KHDRBS2: variants seen among roughly 807,000 people sequenced by gnomAD.
The protein encoded by KHDRBS2 is KH domain-containing, RNA-binding, signal transduction-associated protein 2.
Under a neutral mutation model 44.3 loss-of-function variants are expected in KHDRBS2, and 26 were observed. The ratio of observed to expected loss-of-function variants is 0.59; its 90% CI spans 0.43 to 0.81. KHDRBS2 has a LOEUF of 0.81. Among genes scored for constraint, KHDRBS2 ranks in the 40% least tolerant of loss-of-function variants. KHDRBS2 has a pLI of 0.00. For synonymous variants in KHDRBS2, 194 were observed against 151.1 expected (o/e 1.28, Z -2.08); for missense variants, 476 against 433.1 (o/e 1.10, Z -0.88).
chr6:61,804,720 T>C (rs1268170198), intron 6 of KHDRBS2, among the ~76,000 whole-genome samples: 3 of 152,202 alleles, frequency 2.0e-5, no homozygotes, highest in Admixed American at 6.5e-5. Flanking sequence ...TTGCACCCTC[T>C]GAAGCAACAG....
At chr6:61,578,031 A>G in the KHDRBS2 span, among the ~76,000 whole-genome samples, 1 of 152,090 alleles carries the variant, frequency 6.6e-6, no homozygotes, top group Non-Finnish European at 1.5e-5. Flanking sequence ...TATTTTTCTA[A>G]TACATAAAGA....
intron 1 of KHDRBS2, among the ~76,000 whole-genome samples, chr6:62,197,411 T>C (rs977167724): frequency 6.6e-6 from 1 of 152,134 alleles, no homozygotes; most frequent in African/African-American, 2.4e-5. Flanking sequence ...TTATATACAA[T>C]ACATCACCAA....
intron 2 of KHDRBS2, among the ~76,000 whole-genome samples, chr6:62,116,956 T>C (rs1258851269): frequency 6.6e-6 from 1 of 152,186 alleles, no homozygotes; most frequent in Non-Finnish European, 1.5e-5. Flanking sequence ...TAACAATTTA[T>C]TGTGCATATA....
At position 61,900,153 on chromosome 6, in the gene KHDRBS2, T is replaced by C. The variant is rs535523054; in HGVS notation, c.611+1091A>G. ...TTCCAGAATTACCCCATTTTACCTC[T>C]AGTAAATAATATTCCTTGATATTTT... On this transcript the variant is annotated intron_variant, in intron 5 of 8. Coordinates refer to ENST00000281156, the MANE Select transcript of KHDRBS2 (RefSeq NM_152688.4). 1.2e-4 allele frequency among the ~76,000 whole-genome samples: 19 copies of C among 152,196 alleles called. No individual in the cohort carries two copies. In the East Asian group the frequency reaches 3.7e-3, roughly 29 times the overall value.
chr6:62,226,472 C>T (rs1467684912), intron 1 of KHDRBS2, among the ~76,000 whole-genome samples: 1 of 152,086 alleles, frequency 6.6e-6, no homozygotes, highest in Non-Finnish European at 1.5e-5. Context: ...ATTTTTCTCC[C>T]ATTCTGTAGG....
chr6:61,741,266 A>G (rs937279086), intron 6 of KHDRBS2, among the ~76,000 whole-genome samples: 1 of 151,930 alleles, frequency 6.6e-6, no homozygotes, highest in Non-Finnish European at 1.5e-5. Context: ...AATGGTAAAC[A>G]GAATATGTTA....
chr6:61,964,906 T>C (rs1769568916), intron 4 of KHDRBS2, among the ~76,000 whole-genome samples: 1 of 152,094 alleles, frequency 6.6e-6, no homozygotes, highest in African/African-American at 2.4e-5. Flanking sequence ...GTACATTTTG[T>C]TCTACACATG....
chr6:62,015,478 G>C (rs1781048297), intron 3 of KHDRBS2, among the ~76,000 whole-genome samples: 1 of 152,046 alleles, frequency 6.6e-6, no homozygotes, highest in East Asian at 1.9e-4. Flanking sequence ...GCAGTACTAT[G>C]TAGTCTATAT....
intron 3 of KHDRBS2, among the ~76,000 whole-genome samples, chr6:62,038,707 T>C (rs996437390): frequency 2.6e-5 from 4 of 152,064 alleles, no homozygotes; most frequent in African/African-American, 4.8e-5. Context: ...TTCCCCAAGC[T>C]ATGCTAGAAC....
chr6:61,816,545 G>A, intron 6 of KHDRBS2: 2 of 415,460 alleles, frequency 4.8e-6, no homozygotes. Context: ...GCACGACCCT[G>A]CTGACATATT....
chr6:62,209,751 G>T (rs2150144029), intron 1 of KHDRBS2, among the ~76,000 whole-genome samples: 1 of 152,292 alleles, frequency 6.6e-6, no homozygotes, highest in Non-Finnish European at 1.5e-5. Context: ...GGCAGAAGAA[G>T]TTGGAAGAAC....
intron 4 of KHDRBS2, among the ~76,000 whole-genome samples, chr6:61,915,714 A>T (rs1583488706): frequency 1.3e-5 from 2 of 151,992 alleles, no homozygotes; most frequent in South Asian, 4.2e-4. Context: ...CTATCAACAA[A>T]CCCTCTCGAG....
At chr6:61,619,080 C>G in the KHDRBS2 span, among the ~76,000 whole-genome samples, 1 of 151,978 alleles carries the variant, frequency 6.6e-6, no homozygotes, top group Non-Finnish European at 1.5e-5. Context: ...AGTAAGTGAG[C>G]TAAGTTTGGT....
At chr6:61,760,786 G>C (rs1779160564) in intron 6 of KHDRBS2, among the ~76,000 whole-genome samples, 1 of 152,134 alleles carries the variant, frequency 6.6e-6, no homozygotes, top group Non-Finnish European at 1.5e-5. Context: ...CCAATAATTT[G>C]GCAAAGCACC....
At chr6:61,826,147 T>A (rs1411532505) in intron 6 of KHDRBS2, among the ~76,000 whole-genome samples, 11 of 152,172 alleles carry the variant, frequency 7.2e-5, no homozygotes, top group Non-Finnish European at 1.6e-4. Context: ...TGTAAAGAAC[T>A]GTGGCATTTT....
At chr6:62,153,391 C>A (rs1038672703) in intron 2 of KHDRBS2, among the ~76,000 whole-genome samples, 2 of 152,118 alleles carry the variant, frequency 1.3e-5, no homozygotes, top group African/African-American at 4.8e-5. Flanking sequence ...AAGCATATTT[C>A]ATCTCAAATA....
intron 7 of KHDRBS2, among the ~76,000 whole-genome samples, chr6:61,731,096 T>C (rs1774368909): frequency 6.6e-6 from 1 of 152,078 alleles, no homozygotes; most frequent in African/African-American, 2.4e-5. Flanking sequence ...TATCAAGGGT[T>C]TCTGAAACTA....
chr6:62,247,899 A>G (rs1449313309), intron 1 of KHDRBS2, among the ~76,000 whole-genome samples: 2 of 152,132 alleles, frequency 1.3e-5, no homozygotes, highest in African/African-American at 4.8e-5. Flanking sequence ...TAAAATCCAT[A>G]AAGTTTCAGT....
At chr6:61,736,159 A>G (rs756746899) in intron 6 of KHDRBS2, among the ~76,000 whole-genome samples, 1 of 141,446 alleles carries the variant, frequency 7.1e-6, no homozygotes, top group African/African-American at 2.6e-5. Context: ...CGGTTGGCAC[A>G]GTAAATTTAC....
Sources: gnomAD v4.1 joint callset for allele counts (sites outside exome capture counted in the v4.1 genomes callset) on GRCh38, gnomAD v4.1.1 for gene constraint, MANE v1.5 for transcripts, NCBI Gene and HGNC (gene_info 2026-07-23, HGNC 2026-07-21) for gene names.